Variants in OTOG observed in about 807,000 individuals in gnomAD.
OTOG encodes the protein otogelin.
Under a neutral mutation model 313.8 loss-of-function variants are expected in OTOG, and 296 were observed. The observed-to-expected ratio is 0.94, with a 90% CI of 0.86 to 1.04. OTOG has a LOEUF of 1.04. Ranked by LOEUF, OTOG falls within the 50% of genes least tolerant of loss-of-function variation. The pLI, the probability that OTOG is intolerant of heterozygous loss-of-function variation, is 0.00. For synonymous variants in OTOG, 1,533 were observed against 1,554.9 expected (o/e 0.99, Z 0.33); for missense variants, 3,948 against 3,840.1 (o/e 1.03, Z -0.74).
At position 17,574,700 on chromosome 11, in the gene OTOG, C is replaced by A; in HGVS notation, c.2294-20C>A. 3 of 1,545,266 alleles carry A rather than the reference C, an allele frequency of 1.9e-6. No homozygotes were observed. The highest frequency in any genetic ancestry group is 2.6e-6 in the Non-Finnish European group (3 of 1,143,996). On this transcript the variant is annotated intron_variant, in intron 19 of 55. Transcript: ENST00000399397. ...GGGGATGAGGGAGACAAAGCATGCA[C>A]CACTCCCCCCTCACTGCAGCACTGT... is the stretch of plus-strand genomic sequence containing the variant.
Position 17,547,965 on chromosome 11 carries a change from C to T in OTOG, c.133C>T (p.Pro45Ser). The change falls in exon 2 of 56, where the codon CCA (proline) becomes TCA (serine). Residue 45 changes from proline (P) to serine (S), a missense_variant. Pro to Ser is a moderately conservative substitution (Grantham distance 74). Transcript: ENST00000399397. ...PVLWGSAEPQ[P>S]EPAGQPSSSH... is the part of the protein sequence containing the mutation. ...TCTGTGGGGCAGTGCAGAGCCACAG[C>T]CAGAGCCAGCCGGGCAACCCAGGTG... 1 of 551,360 alleles carries T rather than the reference C, an allele frequency of 1.8e-6. No homozygotes were observed. Among genetic ancestry groups the T allele is most frequent in the Non-Finnish European group, 3.1e-6 (1 of 326,486 alleles). The allele number at this position is 551,360 out of a possible 1,614,324, so 34.2% of individuals were successfully genotyped here.
intron 30 of OTOG, 45 bp downstream of exon 30, chr11:17,597,052 A>T (rs1402069722): frequency 5.2e-6 from 8 of 1,540,552 alleles, no homozygotes; most frequent in Non-Finnish European, 7.0e-6. Context: ...GTAGAGTGTC[A>T]CCTGTGGGCA....
At chr11:17,559,302 G>T in intron 11 of OTOG, 141 bp downstream of exon 11, 1 of 929,622 alleles carries the variant, frequency 1.1e-6, no homozygotes. Flanking sequence ...TGAGAAAGAC[G>T]AAAAAACTGA....
intron 25 of OTOG, among the ~76,000 whole-genome samples, chr11:17,592,924 C>T (rs187802535): frequency 1.3e-5 from 2 of 152,338 alleles, no homozygotes; most frequent in African/African-American, 4.8e-5. Flanking sequence ...TCCCCATACC[C>T]TATCAACACA....
At chr11:17,643,597 T>G (rs1362427262) in intron 54 of OTOG, 91 bp downstream of exon 54, 2 of 978,996 alleles carry the variant, frequency 2.0e-6, no homozygotes, top group Non-Finnish European at 2.8e-6. Flanking sequence ...GTTCCTGGCC[T>G]GGCACCTAAA....
rs1168076341 is a variant in OTOG, at chr11:17,635,660, C to T, written c.7744C>T (p.Leu2582Phe). The T allele has an allele frequency of 6.4e-7, 1 of 1,550,486 alleles. No individual in the cohort carries two copies. The highest frequency in any genetic ancestry group is 2.0e-5 in the Admixed American group (1 of 50,980). The change falls in exon 47 of 56, where the codon CTC becomes TTC. Residue 2582 changes from leucine (L) to phenylalanine (F), a missense_variant. Physicochemically the swap from Leu to Phe is conservative, Grantham distance 22 (BLOSUM62 0). Coordinates refer to ENST00000399397, the MANE Select transcript of OTOG (RefSeq NM_001292063.2). ...CCCCGAATGTCAAGAAGGGGAGGCGCTCACTGTGCACAGGAATACCACGGA... is the reference window on the plus strand; with the variant it reads ...CCCCGAATGTCAAGAAGGGGAGGCGTTCACTGTGCACAGGAATACCACGGA... Reference protein sequence around the residue: ...SIPECQEGEALTVHRNTTELC... With the variant: ...SIPECQEGEAFTVHRNTTELC...
chr11:17,633,760 C>T lies in OTOG; in HGVS notation c.7153C>T (p.Leu2385=). The change falls in exon 43 of 56, where the codon CTA becomes TTA. Residue 2385 remains leucine, a synonymous_variant. Transcript: ENST00000399397. ...EPPKTCQDGI[L]GPLDPEHCQV... ...ACCCAAGACATGCCAGGATGGGATA[C>T]TAGGGCCTCTGGACCCAGAGCACTG... is the stretch of plus-strand genomic sequence containing the variant. 6.4e-7 allele frequency: 1 copy of T among 1,550,540 alleles called. No individual in the cohort carries two copies. Among genetic ancestry groups the T allele is most frequent in the Non-Finnish European group, 8.7e-7 (1 of 1,146,970 alleles).
intron 24 of OTOG, among the ~76,000 whole-genome samples, chr11:17,587,037 C>A (rs995793172): frequency 3.3e-5 from 5 of 152,094 alleles, no homozygotes; most frequent in Non-Finnish European, 7.4e-5. Flanking sequence ...GCATATGGAT[C>A]CATTTAAAAT....
At chr11:17,589,103 A>T (rs1272633592) in intron 24 of OTOG, among the ~76,000 whole-genome samples, 1 of 152,104 alleles carries the variant, frequency 6.6e-6, no homozygotes, top group Non-Finnish European at 1.5e-5. Flanking sequence ...CCCTGGTGAC[A>T]TCCACACCTT....
chr11:17,643,803 C>G (rs944391834), intron 54 of OTOG, among the ~76,000 whole-genome samples: 1 of 152,226 alleles, frequency 6.6e-6, no homozygotes, highest in Non-Finnish European at 1.5e-5. Context: ...GTTACTTCGC[C>G]TCCTCCTGCC....
Position 17,593,282 on chromosome 11 carries a change from C to A in OTOG, c.3096C>A (p.Asn1032Lys), listed in dbSNP as rs75133799. Residue 1032 changes from asparagine to lysine, a missense_variant, in exon 26 of 56, where the codon AAC becomes AAA. Transcript: ENST00000399397. ...GMICRKFISI[N>K]VGNSLIVFDD... ...TCTGCAGGAAATTTATTTCCATCAA[C>A]GTTGGGAACTCACTCATTGTCTTTG... is the stretch of plus-strand genomic sequence containing the variant. 3.2e-6 allele frequency: 5 copies of A among 1,550,416 alleles called. No homozygotes were observed. The highest frequency in any genetic ancestry group is 3.5e-6 in the Non-Finnish European group (4 of 1,146,948).
At chr11:17,583,856 T>G (rs953206654) in intron 23 of OTOG, among the ~76,000 whole-genome samples, 2 of 152,198 alleles carry the variant, frequency 1.3e-5, no homozygotes, top group African/African-American at 4.8e-5. Flanking sequence ...AAAAAGCCCC[T>G]GAGATTTTGA....
intron 6 of OTOG, among the ~76,000 whole-genome samples, chr11:17,555,311 G>C (rs1010790879): frequency 1.3e-5 from 2 of 152,086 alleles, no homozygotes; most frequent in Admixed American, 6.6e-5. Flanking sequence ...GGGGCATGGG[G>C]GAAGGGGAGT....
In OTOG at chr11:17,570,254, G is replaced by A; in HGVS notation, c.1819G>A (p.Val607Met). 6.4e-7 allele frequency: 1 copy of A among 1,550,892 alleles called. No individual in the cohort carries two copies. The highest frequency in any genetic ancestry group is 1.2e-5 in the South Asian group (1 of 84,060). Residue 607 changes from valine to methionine, a missense_variant, in exon 17 of 56, where the codon GTG (valine) becomes ATG (methionine). Coordinates refer to ENST00000399397, the MANE Select transcript of OTOG (RefSeq NM_001292063.2). ...IRRLSSVFLR[V>M]RTNVGVRVLY... ...TAGGCTGTCCTCCGTGTTCCTGCGG[G>A]TGAGGACGAACGTGGGCGTGCGGGT...
At chr11:17,625,268 A>C (rs1339983305) in intron 39 of OTOG, among the ~76,000 whole-genome samples, 3 of 152,130 alleles carry the variant, frequency 2.0e-5, no homozygotes, top group African/African-American at 7.2e-5. Context: ...GGTTTTGTCC[A>C]TTCAGTGTTG....
chr11:17,570,634 AG>A (rs1393024800), intron 17 of OTOG: 31 of 399,564 alleles, frequency 7.8e-5, no homozygotes, highest in Non-Finnish European at 2.7e-5. Flanking sequence ...CCCGCTCCCC[AG>A]GATTTAGGGT....
chr11:17,643,515 G>A lies in OTOG; in HGVS notation c.8461+9G>A. On this transcript the variant is annotated intron_variant, in intron 54 of 55. Coordinates refer to ENST00000399397, the MANE Select transcript of OTOG (RefSeq NM_001292063.2). ...AGGATGCTGCAGGACCTGTGAGTGAGCATGGTGGGGGCCCAGGGGTGGGGG... is the reference window on the plus strand; with the variant it reads ...AGGATGCTGCAGGACCTGTGAGTGAACATGGTGGGGGCCCAGGGGTGGGGG... 1 of 1,430,660 alleles carries A rather than the reference G, an allele frequency of 7.0e-7. No individual in the cohort carries two copies. The highest frequency in any genetic ancestry group is 9.2e-7 in the Non-Finnish European group (1 of 1,084,844). The allele number at this position is 1,430,660 out of a possible 1,614,324, so 88.6% of individuals were successfully genotyped here. A position where few individuals can be genotyped will look rare whatever the true frequency, so the allele number is the denominator to read the frequency against.
chr11:17,640,959 C>T lies in OTOG; in HGVS notation c.8058C>T (p.Pro2686=), dbSNP rs1022166033. ...CLSRELGVMQ[P]GQTVVELSAD... is the part of the protein sequence containing the mutation. Reference sequence around the variant, plus strand: ...GCCGCGAGCTGGGTGTGATGCAGCCCGGCCAGACAGTGGTGGAGCTCTCAG... The same window carrying T: ...GCCGCGAGCTGGGTGTGATGCAGCCTGGCCAGACAGTGGTGGAGCTCTCAG... The change falls in exon 51 of 56, where the codon CCC becomes CCT. Residue 2686 remains proline (P), a synonymous_variant. Coordinates refer to ENST00000399397, the MANE Select transcript of OTOG (RefSeq NM_001292063.2). 43 of 1,548,152 alleles carry T rather than the reference C, an allele frequency of 2.8e-5. No homozygotes were observed. Among genetic ancestry groups the T allele is most frequent in the Admixed American group, 5.9e-5 (3 of 50,988 alleles).
At chr11:17,609,353 G>A (rs952637559) in intron 35 of OTOG, 144 bp downstream of exon 35, 1 of 750,498 alleles carries the variant, frequency 1.3e-6, no homozygotes, top group Non-Finnish European at 2.2e-6. Flanking sequence ...AGGCACAGGG[G>A]ATGCAGAGGC....
Sources: gnomAD v4.1 joint callset for allele counts (sites outside exome capture counted in the v4.1 genomes callset) on GRCh38, gnomAD v4.1.1 for gene constraint, MANE v1.5 for transcripts, NCBI Gene and HGNC (gene_info 2026-07-23, HGNC 2026-07-21) for gene names.